The following SHANK2 variants were observed in gnomAD, a reference collection of about 807,000 sequenced individuals.
SHANK2 encodes the protein SH3 and multiple ankyrin repeat domains 2.
A neutral mutation model predicts 133.7 loss-of-function variants in SHANK2; 43 were observed. The ratio of observed to expected loss-of-function variants is 0.32; its 90% confidence interval spans 0.25 to 0.41. The LOEUF (loss-of-function observed/expected upper bound fraction) is 0.41, where lower values mean the gene tolerates loss of function less well. Ranked by LOEUF, SHANK2 falls within the 10% of genes least tolerant of loss-of-function variation. The pLI, the probability that SHANK2 is intolerant of heterozygous loss-of-function variation, is 1.00. For missense variants in SHANK2, 1,994 were observed against 2,235.8 expected (o/e 0.89, Z 2.18); for synonymous variants, 1,017 against 952.8 (o/e 1.07, Z -1.24).
At chr11:70,475,714 C>A (rs1385244908) in intron 25 of SHANK2, among the ~76,000 whole-genome samples, 1 of 152,162 alleles carries the variant, frequency 6.6e-6, no homozygotes, top group Non-Finnish European at 1.5e-5. Flanking sequence ...GGGCCAGGGA[C>A]CCCATCCACC....
At chr11:70,685,314 C>T (rs998301262) in intron 15 of SHANK2, among the ~76,000 whole-genome samples, 2 of 152,132 alleles carry the variant, frequency 1.3e-5, no homozygotes, top group African/African-American at 2.4e-5. Flanking sequence ...TGGCTCCTCC[C>T]CTTCACTCAT....
intron 17 of SHANK2, among the ~76,000 whole-genome samples, chr11:70,638,955 C>T (rs931286488): frequency 1.3e-5 from 2 of 152,000 alleles, no homozygotes; most frequent in South Asian, 4.2e-4. Flanking sequence ...CGAGACCATG[C>T]CACTGCACTC....
intron 11 of SHANK2, among the ~76,000 whole-genome samples, chr11:70,827,476 A>C (rs1948660369): frequency 6.6e-6 from 1 of 151,990 alleles, no homozygotes; most frequent in Admixed American, 6.5e-5. Context: ...AAGCAAACAC[A>C]GAGAAGTGGA....
At chr11:70,778,096 A>G (rs1947404155) in intron 14 of SHANK2, among the ~76,000 whole-genome samples, 1 of 152,196 alleles carries the variant, frequency 6.6e-6, no homozygotes, top group Non-Finnish European at 1.5e-5. Flanking sequence ...GTCAATGCCA[A>G]CAGAGGCTCA....
chr11:71,151,637 C>A (rs1952798471), intron 2 of SHANK2, among the ~76,000 whole-genome samples: 2 of 152,194 alleles, frequency 1.3e-5, no homozygotes, highest in African/African-American at 4.8e-5. Flanking sequence ...CAGAAAGAAG[C>A]CTAGTGTGGT....
intron 14 of SHANK2, among the ~76,000 whole-genome samples, chr11:70,724,941 T>A (rs1373171336): frequency 6.6e-6 from 1 of 152,124 alleles, no homozygotes; most frequent in Non-Finnish European, 1.5e-5. Flanking sequence ...ATAAGAAAAG[T>A]CCTCAAGGTA....
At chr11:70,743,572 T>A (rs1455569222) in intron 14 of SHANK2, among the ~76,000 whole-genome samples, 2 of 152,186 alleles carry the variant, frequency 1.3e-5, no homozygotes, top group Non-Finnish European at 2.9e-5. Context: ...GGGACTTTAT[T>A]CATCAACATT....
chr11:70,628,312 G>A (rs185668694), intron 17 of SHANK2, among the ~76,000 whole-genome samples: 3 of 152,210 alleles, frequency 2.0e-5, no homozygotes, highest in Non-Finnish European at 2.9e-5. Context: ...GGGAGGGTCC[G>A]GGAGCAGAAC....
Position 70,490,322 on chromosome 11 carries a change from C to T in SHANK2, c.2505G>A (p.Pro835=), listed in dbSNP as rs147781276. The part of the protein sequence containing the change: ...TPTVPGSPKA[P]FLGIPRGTMR... ...TCGTACCTCGAGGGATGCCCAGAAA[C>T]GGGGCTTTTGGGCTCCCAGGAACAG... The change falls in exon 23 of 26, where the codon CCG becomes CCA. Residue 835 remains proline (P), a synonymous_variant. Coordinates refer to ENST00000601538, the MANE Select transcript of SHANK2 (RefSeq NM_012309.5). The T allele has an allele frequency of 4.7e-5, 76 of 1,614,236 alleles. No individual in the cohort carries two copies. The African/African-American group carries it at 7.5e-4, about 16-fold the overall frequency.
intron 14 of SHANK2, among the ~76,000 whole-genome samples, chr11:70,746,149 A>G (rs1429407940): frequency 6.6e-6 from 1 of 152,228 alleles, no homozygotes; most frequent in East Asian, 1.9e-4. Context: ...GACACGGTCC[A>G]GGAGGCTGTG....
intron 11 of SHANK2, among the ~76,000 whole-genome samples, chr11:70,861,563 AT>A (rs141589078): frequency 0.027 from 4,042 of 150,706 alleles, 168 homozygotes; most frequent in African/African-American, 0.093. Flanking sequence ...TTTTGGGTTA[AT>A]TTTTTTTTTA....
chr11:70,888,624 C>G (rs1949784368), intron 11 of SHANK2, among the ~76,000 whole-genome samples: 1 of 152,016 alleles, frequency 6.6e-6, no homozygotes, highest in Non-Finnish European at 1.5e-5. Context: ...TGAGACCAGC[C>G]TGACCAACAT....
intron 17 of SHANK2, among the ~76,000 whole-genome samples, chr11:70,607,392 C>A (rs535345255): frequency 1.3e-5 from 2 of 152,288 alleles, no homozygotes; most frequent in African/African-American, 4.8e-5. Context: ...CCACACCCAG[C>A]TCCCCAACCA....
intron 10 of SHANK2, among the ~76,000 whole-genome samples, chr11:70,951,949 A>G (rs1234958164): frequency 1.3e-5 from 2 of 152,172 alleles, no homozygotes; most frequent in South Asian, 2.1e-4. Flanking sequence ...GGCCTCCCCA[A>G]TCCAGCATGA....
chr11:70,602,344 A>T (rs1464550062), intron 17 of SHANK2, among the ~76,000 whole-genome samples: 5 of 152,246 alleles, frequency 3.3e-5, no homozygotes, highest in Non-Finnish European at 7.3e-5. Context: ...AACTCCCTGC[A>T]GAGAGGTCTC....
chr11:70,922,174 A>G (rs1175129175), intron 10 of SHANK2, among the ~76,000 whole-genome samples: 28 of 152,220 alleles, frequency 1.8e-4, no homozygotes, highest in African/African-American at 6.5e-4. Context: ...ATCGGATTAC[A>G]TGTAGGAGAT....
rs1555045399 is a variant in SHANK2 at position 70,782,484 on chromosome 11, CTG to C, written c.1777+15957_1777+15958del. ...GGTCCCAGTCGAGCTGCCCTGCTGT[CTG>C]TGGGAGGCACTGGGCCAGGCCCGCC... On this transcript the variant is annotated intron_variant, in intron 14 of 25. Coordinates refer to ENST00000601538, the MANE Select transcript of SHANK2 (RefSeq NM_012309.5). 9.8e-5 allele frequency among the ~76,000 whole-genome samples: 15 copies of C among 152,342 alleles called. No homozygotes were observed. The East Asian group carries it at 1.7e-3, about 18-fold the overall frequency.
At chr11:70,863,195 T>A (rs1484079611) in intron 11 of SHANK2, 2 of 387,684 alleles carry the variant, frequency 5.2e-6, no homozygotes, top group South Asian at 3.8e-5. Context: ...AGGTCCCTGG[T>A]CAGGAGGGGT....
intron 13 of SHANK2, among the ~76,000 whole-genome samples, 171 bp from the exon 14 acceptor site, chr11:70,798,727 A>G (rs1486021174): frequency 1.3e-5 from 2 of 152,186 alleles, no homozygotes; most frequent in Admixed American, 6.5e-5. Flanking sequence ...GACAGTGCTA[A>G]GAGGCACCGG....
Sources: allele counts gnomAD v4.1 joint callset (sites outside exome capture counted in the v4.1 genomes callset), GRCh38; gene constraint gnomAD v4.1.1; transcripts MANE v1.5; gene names NCBI Gene and HGNC (gene_info 2026-07-23, HGNC 2026-07-21).